The following FRMD6 variants were observed in gnomAD, a reference collection of about 807,000 sequenced individuals.
FRMD6 encodes FERM domain-containing protein 6.
In FRMD6, 37 loss-of-function variants were observed where a neutral mutation model predicts 73.2. The ratio of observed to expected loss-of-function variants is 0.51; its 90% CI spans 0.39 to 0.66. The LOEUF (loss-of-function observed/expected upper bound fraction) is 0.66. Among genes scored for constraint, FRMD6 ranks in the 30% least tolerant of loss-of-function variants. FRMD6 has a pLI of 0.00. For missense variants in FRMD6, 714 were observed against 780.5 expected (o/e 0.91, Z 1.02); for synonymous variants, 273 against 282.2 (o/e 0.97, Z 0.33).
chr14:51,508,159 G>A (rs959248042), intron 1 of FRMD6, among the ~76,000 whole-genome samples: 20 of 152,112 alleles, frequency 1.3e-4, no homozygotes, highest in African/African-American at 4.6e-4. Context: ...AGCCTGTCCC[G>A]TGCTCGCAGC....
the FRMD6 span, among the ~76,000 whole-genome samples, chr14:51,481,153 T>C: frequency 1.3e-5 from 2 of 152,232 alleles, no homozygotes; most frequent in African/African-American, 4.8e-5. Flanking sequence ...TTCATACTTA[T>C]AGATACAAAA....
upstream of FRMD6, among the ~76,000 whole-genome samples, chr14:51,488,797 A>G (rs964433978): frequency 6.6e-6 from 1 of 152,222 alleles, no homozygotes; most frequent in Non-Finnish European, 1.5e-5. Context: ...GATCTATTTG[A>G]ACGAAGTTCG....
intron 1 of FRMD6, among the ~76,000 whole-genome samples, chr14:51,548,798 T>C (rs534624235): frequency 1.3e-5 from 2 of 152,172 alleles, no homozygotes; most frequent in African/African-American, 2.4e-5. Flanking sequence ...CCATACTTAC[T>C]GATGTACTGT....
chr14:51,604,753 C>A (rs1282707848), intron 2 of FRMD6, among the ~76,000 whole-genome samples: 1 of 152,040 alleles, frequency 6.6e-6, no homozygotes, highest in African/African-American at 2.4e-5. Flanking sequence ...TCTTCTTGTC[C>A]AGGGAATACT....
chr14:51,679,555 CTTTTTTTT>C (rs61250963), intron 1 of FRMD6, among the ~76,000 whole-genome samples: 1 of 120,588 alleles, frequency 8.3e-6, no homozygotes, highest in African/African-American at 3.0e-5. Context: ...CATTTGTTTT[CTTTTTTTT>C]TTTTTTTTTT....
chr14:51,490,561 G>A (rs959634983), intron 1 of FRMD6, among the ~76,000 whole-genome samples: 2 of 151,874 alleles, frequency 1.3e-5, no homozygotes, highest in South Asian at 2.1e-4. Context: ...GGCTGTATAC[G>A]TGTGTATAGT....
intron 1 of FRMD6, among the ~76,000 whole-genome samples, chr14:51,564,051 A>G (rs1887638978): frequency 6.6e-6 from 1 of 152,134 alleles, no homozygotes; most frequent in Non-Finnish European, 1.5e-5. Context: ...TACTGATTTC[A>G]TTTATTACAG....
chr14:51,608,965 TG>T (rs148660977), intron 2 of FRMD6, among the ~76,000 whole-genome samples: 10 of 152,116 alleles, frequency 6.6e-5, no homozygotes, highest in Non-Finnish European at 1.5e-4. Flanking sequence ...GCACCAGCCT[TG>T]GGGGGTGGCT....
At chr14:51,415,261 C>G in the FRMD6 span, among the ~76,000 whole-genome samples, 1 of 152,076 alleles carries the variant, frequency 6.6e-6, no homozygotes, top group Non-Finnish European at 1.5e-5. Flanking sequence ...CAGTTTCTGC[C>G]CATTCATTCA....
chr14:51,527,052 C>T (rs904191033), intron 1 of FRMD6, among the ~76,000 whole-genome samples: 1 of 152,228 alleles, frequency 6.6e-6, no homozygotes, highest in African/African-American at 2.4e-5. Context: ...TAACCCCTGC[C>T]CATGGGTAAA....
intron 1 of FRMD6, among the ~76,000 whole-genome samples, chr14:51,507,486 G>T (rs537438493): frequency 6.6e-6 from 1 of 152,304 alleles, no homozygotes; most frequent in Non-Finnish European, 1.5e-5. Flanking sequence ...ATTAGGTAGA[G>T]ACCCTGAATA....
At chr14:51,640,384 G>C (rs1273636453) in intron 2 of FRMD6, among the ~76,000 whole-genome samples, 1 of 152,178 alleles carries the variant, frequency 6.6e-6, no homozygotes, top group African/African-American at 2.4e-5. Flanking sequence ...GCAACTACCT[G>C]TATGTCATGA....
chr14:51,401,604 AAAAC>A, the FRMD6 span, among the ~76,000 whole-genome samples: 1 of 152,336 alleles, frequency 6.6e-6, no homozygotes, highest in African/African-American at 2.4e-5. Context: ...GGCCAAAAGT[AAAAC>A]AGTCTTCAAT....
intron 1 of FRMD6, among the ~76,000 whole-genome samples, chr14:51,533,300 C>A (rs1263440436): frequency 7.2e-5 from 11 of 152,146 alleles, no homozygotes. Flanking sequence ...TTGGCAATTA[C>A]TCAGAGATGT....
At chr14:51,553,383 C>T (rs1181232485) in intron 1 of FRMD6, among the ~76,000 whole-genome samples, 2 of 152,228 alleles carry the variant, frequency 1.3e-5, no homozygotes, top group African/African-American at 4.8e-5. Context: ...GCAGCAGATT[C>T]TGTGCTGCCT....
intron 2 of FRMD6, among the ~76,000 whole-genome samples, chr14:51,627,866 C>A (rs1050362789): frequency 2.6e-5 from 4 of 152,196 alleles, no homozygotes; most frequent in Admixed American, 2.6e-4. Context: ...GTTCCAGGCT[C>A]TCCCCTCTCT....
the FRMD6 span, among the ~76,000 whole-genome samples, chr14:51,422,331 G>A: frequency 2.7e-4 from 41 of 152,130 alleles, no homozygotes; most frequent in South Asian, 8.5e-3. Context: ...GGCCAAGAAT[G>A]GCAAATGGTA....
chr14:51,711,682 G>C (rs552561719), intron 8 of FRMD6, 86 bp downstream of exon 8: 1 of 950,234 alleles, frequency 1.1e-6, no homozygotes, highest in East Asian at 2.4e-5. Flanking sequence ...AGGTTCAGTA[G>C]TTCATTTTTG....
chr14:51,701,535 T>C (rs1896313663), intron 4 of FRMD6, among the ~76,000 whole-genome samples: 1 of 146,778 alleles, frequency 6.8e-6, no homozygotes, highest in Admixed American at 6.9e-5. Context: ...TTCTAAAGTG[T>C]ATATATATAC....
Sources: gnomAD v4.1 joint callset for allele counts (sites outside exome capture counted in the v4.1 genomes callset) on GRCh38, gnomAD v4.1.1 for gene constraint, MANE v1.5 for transcripts, NCBI Gene and HGNC (gene_info 2026-07-23, HGNC 2026-07-21) for gene names.